The following DEFB110 variants were observed in gnomAD, a reference collection of about 807,000 sequenced individuals.
DEFB110 encodes defensin beta 110.
A neutral mutation model predicts 2.5 loss-of-function variants in DEFB110; 4 were observed. The ratio of observed to expected loss-of-function variants is 1.60; its 90% CI spans 0.79 to 3.66. The LOEUF is 3.66. Ranked by LOEUF, DEFB110 falls within the 30% of genes most tolerant of loss-of-function variation. The pLI is 0.01. For synonymous variants in DEFB110, 29 were observed against 21.8 expected, an observed-to-expected ratio of 1.33 and a Z score of -0.92; for missense variants, 94 against 75.4, an observed-to-expected ratio of 1.25 and a Z score of -0.91.
rs921679039 is a variant in DEFB110 at position 50,010,402 on chromosome 6, G to A, written c.56-1131C>T. ...GTACCTAGTATTCACCAGGCATTAGGTTCCGAAGCAGAGAAAAACTAGAGA... is the reference window on the plus strand; with the variant it reads ...GTACCTAGTATTCACCAGGCATTAGATTCCGAAGCAGAGAAAAACTAGAGA... On this transcript the variant is annotated intron_variant, in intron 1 of 1. Coordinates refer to the DEFB110 transcript ENST00000393660. Among the ~76,000 whole-genome samples the A allele has an allele frequency of 5.9e-5, 9 of 151,782 alleles. No individual in the cohort carries two copies. In the South Asian group the frequency reaches 1.2e-3, roughly 21 times the overall value.
At chr6:50,019,184 A>G in intron 1 of DEFB110, 59 bp from the exon 2 acceptor site, 1 of 1,546,302 alleles carries the variant, frequency 6.5e-7, no homozygotes, top group South Asian at 1.2e-5. Context: ...TCCATGTTTT[A>G]AAAGGAGAAA....
At chr6:50,011,864 A>C (rs1012634532) in intron 1 of DEFB110, among the ~76,000 whole-genome samples, 2 of 152,090 alleles carry the variant, frequency 1.3e-5, no homozygotes, top group Non-Finnish European at 2.9e-5. Context: ...GGCAGAAGCA[A>C]GGCCGTGGGT....
chr6:50,017,808 G>A (rs959090744), downstream of DEFB110, among the ~76,000 whole-genome samples: 2 of 151,718 alleles, frequency 1.3e-5, no homozygotes, highest in African/African-American at 4.8e-5. Context: ...GATCCACAGA[G>A]AGGCCATAAT....
chr6:50,012,660 T>C (rs1214005602), intron 1 of DEFB110, among the ~76,000 whole-genome samples: 2 of 151,946 alleles, frequency 1.3e-5, no homozygotes, highest in African/African-American at 4.8e-5. Flanking sequence ...AAATGAGTTA[T>C]TTATAGATTT....
chr6:50,016,211 C>T (rs954429863), downstream of DEFB110, among the ~76,000 whole-genome samples: 9 of 151,752 alleles, frequency 5.9e-5, no homozygotes, highest in African/African-American at 1.9e-4. Flanking sequence ...TCCTAGTTCA[C>T]GTGAGAATTT....
chr6:50,012,692 T>C (rs1392620948), intron 1 of DEFB110, among the ~76,000 whole-genome samples: 2 of 151,942 alleles, frequency 1.3e-5, no homozygotes, highest in Non-Finnish European at 1.5e-5. Context: ...AAATAACCTT[T>C]TCTTAATTTA....
At chr6:50,021,395 G>C (rs868351742) in intron 1 of DEFB110, among the ~76,000 whole-genome samples, 4 of 152,164 alleles carry the variant, frequency 2.6e-5, no homozygotes, top group African/African-American at 4.8e-5. Context: ...CACTGGTCTA[G>C]TGATACTTCG....
intron 1 of DEFB110, among the ~76,000 whole-genome samples, chr6:50,010,274 A>C (rs1774205873): frequency 3.3e-5 from 5 of 151,984 alleles, no homozygotes; most frequent in Admixed American, 3.3e-4. Flanking sequence ...TTCAGATTTA[A>C]ATTATGTAAT....
At chr6:50,021,534 G>GA (rs1304524631) in intron 1 of DEFB110, among the ~76,000 whole-genome samples, 1 of 152,066 alleles carries the variant, frequency 6.6e-6, no homozygotes, top group Non-Finnish European at 1.5e-5. Context: ...TTTTTGTTAT[G>GA]ATATTATTTT....
downstream of DEFB110, among the ~76,000 whole-genome samples, chr6:50,018,573 G>A (rs748018179): frequency 7.2e-5 from 11 of 151,874 alleles, no homozygotes; most frequent in Non-Finnish European, 1.5e-4. Context: ...GGTAATCTGT[G>A]GAACAGTATC....
intron 1 of DEFB110, among the ~76,000 whole-genome samples, chr6:50,010,536 T>C (rs1222460431): frequency 1.3e-5 from 2 of 150,744 alleles, no homozygotes; most frequent in East Asian, 3.9e-4. Context: ...TATATATATA[T>C]ATATAGACAT....
chr6:50,011,762 G>T (rs1178793093), intron 1 of DEFB110, among the ~76,000 whole-genome samples: 1 of 152,044 alleles, frequency 6.6e-6, no homozygotes, highest in Non-Finnish European at 1.5e-5. Flanking sequence ...ATCCATAAGT[G>T]CAGAGTTGAA....
intron 1 of DEFB110, among the ~76,000 whole-genome samples, chr6:50,009,884 C>G (rs1409830104): frequency 6.6e-6 from 1 of 151,944 alleles, no homozygotes; most frequent in African/African-American, 2.4e-5. Context: ...TTCTTGTGAA[C>G]CATCTAAGAC....
At chr6:50,011,723 A>G (rs1774231653) in intron 1 of DEFB110, among the ~76,000 whole-genome samples, 1 of 151,950 alleles carries the variant, frequency 6.6e-6, no homozygotes, top group Admixed American at 6.6e-5. Context: ...TGACTGCTTC[A>G]CCTACCTCAT....
At position 50,018,857 on chromosome 6, in the gene DEFB110, T is replaced by C. The variant is rs1232816496; in HGVS notation, c.*120A>G. On this transcript the variant is annotated 3_prime_UTR_variant, in exon 2 of 2. Coordinates refer to ENST00000371148, the MANE Select transcript of DEFB110 (RefSeq NM_001037497.2). ...ATGATCACTTCTGAATGGTTCAACATTAATTTTTATTTAGTTCTTGTGTAT... is the reference window on the plus strand; with the variant it reads ...ATGATCACTTCTGAATGGTTCAACACTAATTTTTATTTAGTTCTTGTGTAT... 7.0e-7 allele frequency: 1 copy of C among 1,435,454 alleles called. No homozygotes were observed. The highest frequency in any genetic ancestry group is 9.1e-7 in the Non-Finnish European group (1 of 1,100,780). 88.9% of individuals were successfully genotyped at this position (1,435,454 alleles called of 1,614,324 possible). A position where few individuals can be genotyped will look rare whatever the true frequency, so the allele number is the denominator to read the frequency against.
Position 50,009,237 on chromosome 6 carries a change from T to C in DEFB110, c.90A>G (p.Glu30=). 2.5e-6 allele frequency: 4 copies of C among 1,609,058 alleles called. No individual in the cohort carries two copies. In the African/African-American group the frequency reaches 4.0e-5, roughly 16 times the overall value. ...ATATTCCTCTCACTTTTTCGCATCT[T>C]TCAAATCTATACTTTGGTTCAAAAT... is the stretch of plus-strand genomic sequence containing the variant. The change falls in exon 2 of 2, where the codon GAA becomes GAG. Residue 30 remains glutamate (E), a synonymous_variant. Coordinates refer to the DEFB110 transcript ENST00000393660.
intron 1 of DEFB110, among the ~76,000 whole-genome samples, chr6:50,010,484 C>T (rs895891071): frequency 6.6e-5 from 10 of 150,610 alleles, no homozygotes; most frequent in African/African-American, 1.7e-4. Flanking sequence ...AATAATTAAA[C>T]GTAAGATGGA....
At chr6:50,020,647 A>G (rs1774402997) in intron 1 of DEFB110, among the ~76,000 whole-genome samples, 1 of 152,332 alleles carries the variant, frequency 6.6e-6, no homozygotes, top group East Asian at 1.9e-4. Flanking sequence ...TAGCTAATAC[A>G]TAGACTCAGA....
At chr6:50,021,505 C>A (rs1489816657) in intron 1 of DEFB110, among the ~76,000 whole-genome samples, 1 of 152,190 alleles carries the variant, frequency 6.6e-6, no homozygotes, top group South Asian at 2.1e-4. Flanking sequence ...AATCTCTCTC[C>A]ATTTCTGTCT....
Sources: gnomAD v4.1 joint callset for allele counts (sites outside exome capture counted in the v4.1 genomes callset) on GRCh38, gnomAD v4.1.1 for gene constraint, MANE v1.5 for transcripts, NCBI Gene and HGNC (gene_info 2026-07-23, HGNC 2026-07-21) for gene names.